Variants in SLF1 observed in about 807,000 individuals in gnomAD.
SLF1 encodes SMC5/6 complex localization factor 1.
In SLF1, 105 loss-of-function variants were observed where a neutral mutation model predicts 123.0. The ratio of observed to expected loss-of-function variants is 0.85; its 90% CI spans 0.73 to 1.00. The LOEUF is 1.00. SLF1 is among the 50% of genes least tolerant of loss of function. SLF1 has a pLI of 0.00. For synonymous variants in SLF1, 434 were observed against 406.6 expected (o/e 1.07, Z -0.81); for missense variants, 1,239 against 1,223.0 (o/e 1.01, Z -0.20).
At chr5:94,689,677 C>A in intron 18 of SLF1, 71 bp downstream of exon 18, 1 of 1,387,758 alleles carries the variant, frequency 7.2e-7, no homozygotes, top group Non-Finnish European at 9.9e-7. Context: ...GCAGGTTTCA[C>A]ACATTTGCCC....
At chr5:94,682,745 A>T (rs927452040) in intron 15 of SLF1, among the ~76,000 whole-genome samples, 6 of 152,186 alleles carry the variant, frequency 3.9e-5, no homozygotes, top group Non-Finnish European at 7.3e-5. Context: ...TTGGACAGAA[A>T]TTTTCTTTTC....
At chr5:94,679,074 T>G in intron 15 of SLF1, 119 bp downstream of exon 15, 1 of 1,121,892 alleles carries the variant, frequency 8.9e-7, no homozygotes, top group Non-Finnish European at 1.3e-6. Flanking sequence ...AAAATAGTTA[T>G]GGATGCACGC....
At chr5:94,672,495 C>T (rs1361835085) in intron 14 of SLF1, among the ~76,000 whole-genome samples, 1 of 151,754 alleles carries the variant, frequency 6.6e-6, no homozygotes, top group Admixed American at 6.6e-5. Flanking sequence ...CCTCCTCTTT[C>T]TCCCTCTTCC....
intron 18 of SLF1, 37 bp from the exon 19 acceptor site, chr5:94,691,527 G>T: frequency 1.3e-6 from 2 of 1,536,282 alleles, no homozygotes; most frequent in East Asian, 2.3e-5. Flanking sequence ...TTGATATCTT[G>T]TCTTCTCTGG....
chr5:94,649,500 C>G lies in SLF1; in HGVS notation c.641C>G (p.Thr214Ser). 1 of 1,535,884 alleles carries G rather than the reference C, an allele frequency of 6.5e-7. No homozygotes were observed. The highest frequency in any genetic ancestry group is 8.8e-7 in the Non-Finnish European group (1 of 1,136,270). The change falls in exon 6 of 21, where the codon ACT becomes AGT. Residue 214 changes from threonine (T) to serine (S), a missense_variant. By Grantham distance (58) the Thr-to-Ser change is moderately conservative. Transcript: ENST00000265140. Reference sequence around the variant, plus strand: ...GATTCCCAAACCAATTCTGTTTGGACTGAACATAGCAATGAAGAAACAAAC... The same window carrying G: ...GATTCCCAAACCAATTCTGTTTGGAGTGAACATAGCAATGAAGAAACAAAC... ...DEDSQTNSVW[T>S]EHSNEETNKD...
chr5:94,676,448 C>T (rs1278491833), intron 14 of SLF1, among the ~76,000 whole-genome samples: 6 of 152,108 alleles, frequency 3.9e-5, no homozygotes, highest in South Asian at 2.1e-4. Flanking sequence ...GCCATATAGC[C>T]GCAACTGCAA....
chr5:94,657,481 C>T (rs575918514), intron 9 of SLF1, among the ~76,000 whole-genome samples: 2 of 152,110 alleles, frequency 1.3e-5, no homozygotes, highest in African/African-American at 4.8e-5. Context: ...GGAAGAATGT[C>T]CCATATACTA....
In SLF1 at chr5:94,694,949, C is replaced by CT. The variant is rs1211995061; in HGVS notation, c.2817dup (p.His940SerfsTer14). On this transcript the variant is annotated frameshift_variant, in exon 21 of 21. Coordinates refer to ENST00000265140, the MANE Select transcript of SLF1 (RefSeq NM_032290.4). LOFTEE classifies it high-confidence loss of function. Reference sequence around the variant, plus strand: ...CAAAAATAGAAGATACAGTGGAGAACTTTCATGCACAAGCAGAGAAACATT... The same window carrying CT: ...CAAAAATAGAAGATACAGTGGAGAACTTTTCATGCACAAGCAGAGAAACATT... 1.2e-6 allele frequency: 2 copies of CT among 1,612,436 alleles called. No homozygotes were observed. Among genetic ancestry groups the CT allele is most frequent in the African/African-American group, 2.7e-5 (2 of 74,794 alleles).
intron 4 of SLF1, among the ~76,000 whole-genome samples, chr5:94,631,909 A>G (rs1358144197): frequency 6.6e-6 from 1 of 151,524 alleles, no homozygotes; most frequent in Admixed American, 6.6e-5. Context: ...TTGACCCCAG[A>G]GTCTTAGATC....
intron 5 of SLF1, among the ~76,000 whole-genome samples, chr5:94,648,507 A>G (rs1452337395): frequency 1.3e-5 from 2 of 152,122 alleles, no homozygotes; most frequent in Non-Finnish European, 2.9e-5. Context: ...CTTTAGATGG[A>G]GTCTCGCTCT....
chr5:94,686,650 GTCT>G lies in SLF1; in HGVS notation c.2055_2057del (p.Phe686del). Reference sequence around the variant, plus strand: ...GCTTCAAATGTTTGTTGCAGAGGCAGTCTTTAAAAAGTTGTGTCTACAGAGCTC... The same window carrying G: ...GCTTCAAATGTTTGTTGCAGAGGCAGTTAAAAAGTTGTGTCTACAGAGCTC... On this transcript the variant is annotated inframe_deletion, in exon 16 of 21. Transcript: ENST00000265140. 6.2e-7 allele frequency: 1 copy of G among 1,614,078 alleles called. No individual in the cohort carries two copies. The highest frequency in any genetic ancestry group is 8.5e-7 in the Non-Finnish European group (1 of 1,179,964).
chr5:94,679,541 A>G (rs1751515790), intron 15 of SLF1, among the ~76,000 whole-genome samples: 1 of 152,038 alleles, frequency 6.6e-6, no homozygotes, highest in Non-Finnish European at 1.5e-5. Flanking sequence ...GCAGGGAGCC[A>G]TGATTGTGCC....
rs946094919 is a variant in SLF1 at position 94,689,943 on chromosome 5, T to G, written c.2419+337T>G. ...ACCTGTGCTGCTTAGGATCAGTGTC[T>G]TCTGATTTGAAAGTATAATTCAGTC... On this transcript the variant is annotated intron_variant, in intron 18 of 20. Transcript: ENST00000265140. Among the ~76,000 whole-genome samples the G allele has an allele frequency of 2.6e-5, 4 of 152,216 alleles. No homozygotes were observed. In the South Asian group the frequency reaches 6.2e-4, roughly 24 times the overall value.
At chr5:94,673,193 G>T (rs1750662338) in intron 14 of SLF1, among the ~76,000 whole-genome samples, 1 of 151,436 alleles carries the variant, frequency 6.6e-6, no homozygotes, top group South Asian at 2.1e-4. Context: ...AGAAACCACA[G>T]TTCTGTATTC....
At chr5:94,625,395 A>T (rs933695463) in intron 1 of SLF1, among the ~76,000 whole-genome samples, 1 of 151,310 alleles carries the variant, frequency 6.6e-6, no homozygotes, top group Non-Finnish European at 1.5e-5. Flanking sequence ...TTATTTATTT[A>T]TTTTTTGAGA....
At chr5:94,643,220 C>A in intron 4 of SLF1, 53 bp from the exon 5 acceptor site, 1 of 1,327,448 alleles carries the variant, frequency 7.5e-7, no homozygotes, top group East Asian at 2.6e-5. Context: ...GATAATTTGA[C>A]TAAAGAAACT....
chr5:94,680,918 T>C (rs1216561854), intron 15 of SLF1, among the ~76,000 whole-genome samples: 1 of 152,200 alleles, frequency 6.6e-6, no homozygotes, highest in East Asian at 1.9e-4. Flanking sequence ...CTGTCACAGA[T>C]TATTTTGCTC....
chr5:94,691,525 T>C (rs1437533490), intron 18 of SLF1, 39 bp from the exon 19 acceptor site: 16 of 1,534,942 alleles, frequency 1.0e-5, no homozygotes, highest in Non-Finnish European at 1.3e-5. Context: ...AGTTGATATC[T>C]TGTCTTCTCT....
chr5:94,634,961 G>A (rs202141878), intron 4 of SLF1, among the ~76,000 whole-genome samples: 1 of 152,118 alleles, frequency 6.6e-6, no homozygotes, highest in East Asian at 1.9e-4. Flanking sequence ...CATATGGCTT[G>A]AAAATATTAT....
Sources: allele counts gnomAD v4.1 joint callset (sites outside exome capture counted in the v4.1 genomes callset), GRCh38; gene constraint gnomAD v4.1.1; transcripts MANE v1.5; gene names NCBI Gene and HGNC (gene_info 2026-07-23, HGNC 2026-07-21).